LSAMP: variants seen among roughly 807,000 people sequenced by gnomAD.
LSAMP encodes limbic system associated membrane protein.
In LSAMP, 7 loss-of-function variants were observed where a neutral mutation model predicts 38.6. The ratio of observed to expected loss-of-function variants is 0.18; its 90% CI spans 0.10 to 0.34. The LOEUF (loss-of-function observed/expected upper bound fraction) is 0.34. Ranked by LOEUF, LSAMP falls within the 10% of genes least tolerant of loss-of-function variation. The probability of loss-of-function intolerance (pLI) is 1.00; values close to 1 mark genes in which losing one functional copy is unlikely to be tolerated. For synonymous variants in LSAMP, 154 were observed against 166.8 expected (o/e 0.92, Z 0.59); for missense variants, 313 against 420.0 (o/e 0.75, Z 2.23).
chr3:115,997,753 T>TACACAC (rs1189079190), intron 3 of LSAMP, among the ~76,000 whole-genome samples: 3 of 124,978 alleles, frequency 2.4e-5, no homozygotes, highest in African/African-American at 9.5e-5. Context: ...TATATATATA[T>TACACAC]ACACACACAT....
chr3:116,352,815 G>A (rs2048160663), intron 1 of LSAMP, among the ~76,000 whole-genome samples: 1 of 151,914 alleles, frequency 6.6e-6, no homozygotes, highest in Admixed American at 6.6e-5. Context: ...CTTTTTTGGG[G>A]TGTCTTGCAT....
At chr3:115,927,362 C>T (rs191490891) in intron 3 of LSAMP, among the ~76,000 whole-genome samples, 10 of 152,298 alleles carry the variant, frequency 6.6e-5, no homozygotes, top group Non-Finnish European at 5.9e-5. Context: ...ATTCACCACA[C>T]TCTGAAATAA....
intron 1 of LSAMP, among the ~76,000 whole-genome samples, chr3:116,151,731 T>C (rs1156465834): frequency 1.3e-5 from 2 of 151,992 alleles, no homozygotes; most frequent in African/African-American, 4.8e-5. Context: ...CTTGACCAAC[T>C]TTCCTCAAAG....
At chr3:116,160,360 T>C (rs921220840) in intron 1 of LSAMP, among the ~76,000 whole-genome samples, 1 of 144,376 alleles carries the variant, frequency 6.9e-6, no homozygotes, top group Non-Finnish European at 1.5e-5. Flanking sequence ...GATCGTGCCA[T>C]TGCACTTCAG....
chr3:116,404,895 T>C (rs1248233456), intron 1 of LSAMP, among the ~76,000 whole-genome samples: 3 of 152,074 alleles, frequency 2.0e-5, no homozygotes, highest in Non-Finnish European at 4.4e-5. Flanking sequence ...CCTCTAAATG[T>C]CTCATTTTCT....
chr3:116,108,825 G>C (rs1390652643), intron 1 of LSAMP, among the ~76,000 whole-genome samples: 1 of 152,222 alleles, frequency 6.6e-6, no homozygotes, highest in African/African-American at 2.4e-5. Context: ...GGCCGCTGCG[G>C]TTCAGGCATT....
intron 1 of LSAMP, among the ~76,000 whole-genome samples, chr3:116,116,711 A>G (rs1181071358): frequency 1.3e-5 from 2 of 151,538 alleles, no homozygotes; most frequent in Admixed American, 1.3e-4. Context: ...GCGAGATTCC[A>G]TCTCAAATAA....
chr3:116,210,136 G>A (rs765437780), intron 1 of LSAMP, among the ~76,000 whole-genome samples: 1 of 152,144 alleles, frequency 6.6e-6, no homozygotes, highest in Non-Finnish European at 1.5e-5. Context: ...TGTGTCTCAC[G>A]TTTCATTTGT....
intron 6 of LSAMP, among the ~76,000 whole-genome samples, chr3:115,838,570 C>T (rs6780549): frequency 0.048 from 7,318 of 152,170 alleles, 579 homozygotes; most frequent in African/African-American, 0.17. Context: ...TAATGCTTAG[C>T]CCAAGGATGA....
chr3:116,315,884 G>A (rs1576120610), intron 1 of LSAMP, among the ~76,000 whole-genome samples: 2 of 152,304 alleles, frequency 1.3e-5, no homozygotes, highest in South Asian at 4.1e-4. Context: ...TTTGGTATAT[G>A]ATGAATAGTT....
At chr3:116,419,950 G>T (rs896734252) in intron 1 of LSAMP, among the ~76,000 whole-genome samples, 5 of 152,142 alleles carry the variant, frequency 3.3e-5, no homozygotes, top group African/African-American at 1.2e-4. Context: ...TCTAAGTTTT[G>T]TTCCTATAAC....
At chr3:115,847,032 A>C (rs897872137) in intron 4 of LSAMP, among the ~76,000 whole-genome samples, 1 of 152,166 alleles carries the variant, frequency 6.6e-6, no homozygotes, top group Non-Finnish European at 1.5e-5. Context: ...GATCAAATGA[A>C]ATCAGTAATA....
chr3:115,947,337 AAGGAAG>A (rs1407217029), intron 3 of LSAMP, among the ~76,000 whole-genome samples: 1 of 152,206 alleles, frequency 6.6e-6, no homozygotes, highest in Non-Finnish European at 1.5e-5. Flanking sequence ...GAGAATTATA[AAGGAAG>A]AACTAAAACT....
At chr3:115,881,032 T>C (rs1936307198) in intron 3 of LSAMP, among the ~76,000 whole-genome samples, 1 of 39,302 alleles carries the variant, frequency 2.5e-5, no homozygotes, top group Admixed American at 2.7e-4. Context: ...CAAAACTCTG[T>C]CTCAAAAATA....
chr3:116,119,888 G>T (rs1708837212), intron 1 of LSAMP, among the ~76,000 whole-genome samples: 1 of 151,928 alleles, frequency 6.6e-6, no homozygotes, highest in African/African-American at 2.4e-5. Context: ...CTTCAACTCT[G>T]GACCTCGTGA....
intron 1 of LSAMP, among the ~76,000 whole-genome samples, chr3:116,341,128 C>T (rs2047989276): frequency 6.6e-6 from 1 of 151,806 alleles, no homozygotes; most frequent in Non-Finnish European, 1.5e-5. Context: ...CCAAGTAATG[C>T]ATAGATAAAA....
intron 3 of LSAMP, among the ~76,000 whole-genome samples, chr3:115,948,969 C>T (rs1938195197): frequency 6.6e-6 from 1 of 152,046 alleles, no homozygotes; most frequent in Non-Finnish European, 1.5e-5. Flanking sequence ...CCCATCTCTA[C>T]AAAAAATACC....
chr3:115,877,676 A>C (rs1197952863), intron 3 of LSAMP, among the ~76,000 whole-genome samples: 1 of 152,080 alleles, frequency 6.6e-6, no homozygotes, highest in Non-Finnish European at 1.5e-5. Flanking sequence ...TTTTCCCTCA[A>C]ATATTTTGAA....
intron 3 of LSAMP, among the ~76,000 whole-genome samples, chr3:115,905,249 C>T (rs1936980173): frequency 6.6e-6 from 1 of 151,986 alleles, no homozygotes; most frequent in South Asian, 2.1e-4. Flanking sequence ...AAGTTTCTCA[C>T]AAGTTTGGTA....
Sources: allele counts gnomAD v4.1 joint callset (sites outside exome capture counted in the v4.1 genomes callset), GRCh38; gene constraint gnomAD v4.1.1; transcripts MANE v1.5; gene names NCBI Gene and HGNC (gene_info 2026-07-23, HGNC 2026-07-21).